The following PLXDC2 variants were observed in gnomAD, a reference collection of about 807,000 sequenced individuals.
The protein encoded by PLXDC2 is plexin domain containing 2.
In PLXDC2, 40 loss-of-function variants were observed where a neutral mutation model predicts 68.9. The ratio of observed to expected loss-of-function variants is 0.58; its 90% CI spans 0.45 to 0.76. The LOEUF (loss-of-function observed/expected upper bound fraction) is 0.76, where lower values mean the gene tolerates loss of function less well. Among genes scored for constraint, PLXDC2 ranks in the 30% least tolerant of loss-of-function variants. The pLI, the probability that PLXDC2 is intolerant of heterozygous loss-of-function variation, is 0.00. For missense variants in PLXDC2, 644 were observed against 661.9 expected, an observed-to-expected ratio of 0.97 and a Z score of 0.30; for synonymous variants, 243 against 234.2, an observed-to-expected ratio of 1.04 and a Z score of -0.34.
At chr10:19,890,680 T>C (rs906769305) in intron 1 of PLXDC2, among the ~76,000 whole-genome samples, 7 of 115,596 alleles carry the variant, frequency 6.1e-5, no homozygotes, top group South Asian at 3.1e-4. Flanking sequence ...CGGCTGCTTT[T>C]TTTTTTTTTT....
At chr10:19,884,442 C>T (rs971964184) in intron 1 of PLXDC2, among the ~76,000 whole-genome samples, 3 of 151,830 alleles carry the variant, frequency 2.0e-5, no homozygotes, top group African/African-American at 7.3e-5. Context: ...CATGCTGGTG[C>T]GCTGCACCCA....
At chr10:20,032,953 A>C (rs977450864) in intron 2 of PLXDC2, among the ~76,000 whole-genome samples, 1 of 147,458 alleles carries the variant, frequency 6.8e-6, no homozygotes, top group African/African-American at 2.5e-5. Context: ...TCCACACTGC[A>C]TGTTCTCACT....
At chr10:20,172,587 G>T (rs1834462971) in intron 7 of PLXDC2, among the ~76,000 whole-genome samples, 1 of 152,138 alleles carries the variant, frequency 6.6e-6, no homozygotes, top group Non-Finnish European at 1.5e-5. Flanking sequence ...TATTTGGGGT[G>T]TCCATCACCT....
intron 4 of PLXDC2, chr10:20,071,305 A>T (rs1836312328): frequency 6.6e-6 from 1 of 152,242 alleles, no homozygotes; most frequent in Admixed American, 6.5e-5. Context: ...AGGATAAGCT[A>T]AGTTCAGGAG....
At chr10:20,187,317 A>G (rs2358874) in intron 9 of PLXDC2, among the ~76,000 whole-genome samples, 139,814 of 151,770 alleles carry the variant, frequency 0.92, 64,509 homozygotes, top group Non-Finnish European at 0.95. Flanking sequence ...AGTTCTCAAA[A>G]TTTCTTTTTT....
At chr10:20,125,692 G>T (rs908562674) in intron 4 of PLXDC2, among the ~76,000 whole-genome samples, 3 of 152,070 alleles carry the variant, frequency 2.0e-5, no homozygotes, top group Non-Finnish European at 4.4e-5. Flanking sequence ...TCAGTGCAAT[G>T]CTCCTTATAT....
intron 1 of PLXDC2, among the ~76,000 whole-genome samples, chr10:19,937,021 A>G (rs560967921): frequency 6.6e-6 from 1 of 152,216 alleles, no homozygotes; most frequent in East Asian, 1.9e-4. Flanking sequence ...GTTCCTATTG[A>G]CTTTGTAAAT....
chr10:19,876,674 A>G (rs1474329749), intron 1 of PLXDC2, among the ~76,000 whole-genome samples: 1 of 150,136 alleles, frequency 6.7e-6, no homozygotes, highest in African/African-American at 2.4e-5. Context: ...CTGAGTAGTT[A>G]TGACAGAATC....
chr10:20,253,366 A>AAATAAT (rs1351269163), intron 13 of PLXDC2, among the ~76,000 whole-genome samples: 10 of 112,862 alleles, frequency 8.9e-5, no homozygotes, highest in African/African-American at 2.9e-4. Flanking sequence ...TTCTGTCTCA[A>AAATAAT]AATGATAATA....
At chr10:20,051,395 A>AATATATATATATAT (rs57093355) in intron 3 of PLXDC2, among the ~76,000 whole-genome samples, 5 of 118,476 alleles carry the variant, frequency 4.2e-5, no homozygotes, top group Admixed American at 9.7e-5. Flanking sequence ...ATAAAGGTTA[A>AATATATATATATAT]ATATATATAT....
At chr10:20,047,390 A>C (rs1002459164) in intron 3 of PLXDC2, among the ~76,000 whole-genome samples, 1 of 152,144 alleles carries the variant, frequency 6.6e-6, no homozygotes, top group African/African-American at 2.4e-5. Context: ...TCCCATTTAC[A>C]TGGGTTTATT....
chr10:20,197,875 C>T (rs1834863275), intron 9 of PLXDC2, among the ~76,000 whole-genome samples: 1 of 152,114 alleles, frequency 6.6e-6, no homozygotes, highest in Non-Finnish European at 1.5e-5. Context: ...CAGCCATACT[C>T]TGGTTAGTGG....
chr10:19,883,883 A>ATTT (rs1564618531), intron 1 of PLXDC2, among the ~76,000 whole-genome samples: 3 of 41,902 alleles, frequency 7.2e-5, no homozygotes, highest in Non-Finnish European at 1.3e-4. Flanking sequence ...ATCCCTTTAA[A>ATTT]CTTTTTTTTT....
chr10:19,858,608 A>G (rs1433191534), intron 1 of PLXDC2, among the ~76,000 whole-genome samples: 2 of 152,192 alleles, frequency 1.3e-5, no homozygotes, highest in Non-Finnish European at 2.9e-5. Context: ...CATCTAAATG[A>G]AATTAGCTGC....
chr10:19,939,876 G>A (rs1161270940), intron 1 of PLXDC2, among the ~76,000 whole-genome samples: 1 of 149,792 alleles, frequency 6.7e-6, no homozygotes, highest in Non-Finnish European at 1.5e-5. Context: ...ATTATGAGCA[G>A]AAGAGAATTC....
chr10:19,819,031 T>C (rs929930857), intron 1 of PLXDC2, among the ~76,000 whole-genome samples: 19 of 147,842 alleles, frequency 1.3e-4, no homozygotes, highest in Middle Eastern at 3.4e-3. Context: ...AATATATGTA[T>C]ACACACACAC....
chr10:19,829,342 C>T (rs1016239355), intron 1 of PLXDC2, among the ~76,000 whole-genome samples: 1 of 152,058 alleles, frequency 6.6e-6, no homozygotes, highest in African/African-American at 2.4e-5. Context: ...TGAAAATTTG[C>T]TGTAGGATGC....
chr10:19,817,137 T>A lies in PLXDC2; in HGVS notation c.58T>A (p.Phe20Ile). 6.3e-7 allele frequency: 1 copy of A among 1,576,498 alleles called. No homozygotes were observed. The highest frequency in any genetic ancestry group is 8.6e-7 in the Non-Finnish European group (1 of 1,157,952). ...TGCAGGAGTTATGTTACTTTGCCAC[T>A]TCTTCACGGACCAGTTTCAGTTCGC... ...AAAGVMLLCHFFTDQFQFADG... is the reference protein window; with the variant it reads ...AAAGVMLLCHIFTDQFQFADG... Residue 20 changes from phenylalanine to isoleucine, a missense_variant, in exon 1 of 14, where the codon TTC becomes ATC. Phe to Ile is a conservative substitution (Grantham distance 21). Coordinates refer to ENST00000377252, the MANE Select transcript of PLXDC2 (RefSeq NM_032812.9).
intron 9 of PLXDC2, among the ~76,000 whole-genome samples, chr10:20,182,071 T>TGTGTGTGTGTG (rs1554772998): frequency 1.4e-5 from 2 of 146,456 alleles, no homozygotes; most frequent in African/African-American, 2.5e-5. Flanking sequence ...AACCGGTTAT[T>TGTGTGTGTGTG]TGTGTGTGTG....
Sources: gnomAD v4.1 joint callset for allele counts (sites outside exome capture counted in the v4.1 genomes callset) on GRCh38, gnomAD v4.1.1 for gene constraint, MANE v1.5 for transcripts, NCBI Gene and HGNC (gene_info 2026-07-23, HGNC 2026-07-21) for gene names.